Variants in KIF7 observed in about 807,000 individuals in gnomAD.
KIF7 encodes kinesin family member 7.
KIF7 carries 104 observed loss-of-function variants against 135.7 expected under a neutral mutation model. The ratio of observed to expected loss-of-function variants is 0.77; its 90% confidence interval spans 0.65 to 0.90. The LOEUF is 0.90. Among genes scored for constraint, KIF7 ranks in the 40% least tolerant of loss-of-function variants. The probability of loss-of-function intolerance (pLI) is 0.00; values close to 1 mark genes in which losing one functional copy is unlikely to be tolerated. For missense variants in KIF7, 2,005 were observed against 1,839.1 expected (o/e 1.09, Z -1.65); for synonymous variants, 883 against 809.4 (o/e 1.09, Z -1.54).
chr15:89,649,984 C>T lies in KIF7; in HGVS notation c.329-43G>A, dbSNP rs1411725361. The T allele has an allele frequency of 2.0e-5, 31 of 1,533,416 alleles. No individual in the cohort carries two copies. The East Asian group carries it at 3.9e-4, about 19-fold the overall frequency. The allele number at this position is 1,533,416 out of a possible 1,614,324, so 95.0% of individuals were successfully genotyped here. A position where few individuals can be genotyped will look rare whatever the true frequency, so the allele number is the denominator to read the frequency against. ...GGCCTCCTGCCACTTCAGCTGGACA[C>T]GGCCCATGGCCCCCAGGCCCGGAAG... is the stretch of plus-strand genomic sequence containing the variant. On this transcript the variant is annotated intron_variant, in intron 2 of 18. Transcript: ENST00000394412.
Position 89,649,936 on chromosome 15 carries a change from G to A in KIF7, c.334C>T (p.Leu112Phe), listed in dbSNP as rs1964097179. 3 of 1,550,784 alleles carry A rather than the reference G, an allele frequency of 1.9e-6. No individual in the cohort carries two copies. The highest frequency in any genetic ancestry group is 1.7e-6 in the Non-Finnish European group (2 of 1,146,952). The change falls in exon 3 of 19, where the codon CTC becomes TTC. Residue 112 changes from leucine to phenylalanine, a missense_variant. Coordinates refer to ENST00000394412, the MANE Select transcript of KIF7 (RefSeq NM_198525.3). ...ACAATGCCCTGCTCATCCTCAAGGA[G>A]GGAGGCTGGGGAGACACCGCAGGGC... ...YTMGEASVAS[L>F]LEDEQGIVPR...
chr15:89,648,650 G>A lies in KIF7; in HGVS notation c.1048C>T (p.Arg350Cys). The A allele has an allele frequency of 1.3e-6, 2 of 1,535,834 alleles. No homozygotes were observed. Among genetic ancestry groups the A allele is most frequent in the Non-Finnish European group, 1.7e-6 (2 of 1,146,296 alleles). ...LNYASRAQNI[R>C]NRATVNWRPE... ...CGCCAGTTGACCGTGGCGCGGTTGCGGATGTTCTGGGCGCGGCTGGCGTAG... is the reference window on the plus strand; with the variant it reads ...CGCCAGTTGACCGTGGCGCGGTTGCAGATGTTCTGGGCGCGGCTGGCGTAG... The change falls in exon 5 of 19, where the codon CGC (arginine) becomes TGC (cysteine). Residue 350 changes from arginine (R) to cysteine (C), a missense_variant. Coordinates refer to ENST00000394412, the MANE Select transcript of KIF7 (RefSeq NM_198525.3).
intron 16 of KIF7, 45 bp downstream of exon 16, chr15:89,630,242 C>T (rs201335315): frequency 4.9e-5 from 76 of 1,562,794 alleles, no homozygotes; most frequent in Non-Finnish European, 5.6e-5. Context: ...CCTCCCCACA[C>T]GTGCCGCTGA....
chr15:89,646,049 A>G, intron 7 of KIF7, 23 bp from the exon 8 acceptor site: 1 of 1,613,008 alleles, frequency 6.2e-7, no homozygotes, highest in South Asian at 1.1e-5. Context: ...GCCATTTCCC[A>G]TCCCAAGTCA....
chr15:89,626,507 A>G (rs557944288), downstream of KIF7, among the ~76,000 whole-genome samples: 38 of 152,214 alleles, frequency 2.5e-4, no homozygotes, highest in Admixed American at 2.2e-3. Flanking sequence ...TCCCCTTCCA[A>G]ATCCTATTCC....
the KIF7 span, among the ~76,000 whole-genome samples, chr15:89,661,892 AC>A: frequency 6.6e-6 from 1 of 151,752 alleles, no homozygotes; most frequent in African/African-American, 2.4e-5. Flanking sequence ...GTGCCACCAC[AC>A]CCGGCCAATT....
rs1198876598 is a variant in KIF7 at position 89,629,382 on chromosome 15, C to A, written c.3510G>T (p.Gln1170His). The A allele has an allele frequency of 9.4e-6, 15 of 1,596,504 alleles. No homozygotes were observed. The highest frequency in any genetic ancestry group is 1.3e-5 in the Non-Finnish European group (15 of 1,176,202). The change falls in exon 17 of 19, where the codon CAG becomes CAT. Residue 1170 changes from glutamine (Q) to histidine (H), a missense_variant. Coordinates refer to ENST00000394412, the MANE Select transcript of KIF7 (RefSeq NM_198525.3). ...ATGGGCCGGGCTGCTCACCTCGACT[C>A]TGCTGCAGGAGCAGCTGCATGTTCT... is the stretch of plus-strand genomic sequence containing the variant. ...HEQNMQLLLQ[Q>H]SRDHLGEGLA...
At chr15:89,642,177 C>T (rs766340975) in intron 11 of KIF7, 26 bp downstream of exon 11, 3 of 1,606,510 alleles carry the variant, frequency 1.9e-6, no homozygotes, top group East Asian at 2.2e-5. Flanking sequence ...CACCCCAGCA[C>T]CCCACCCTGA....
downstream of KIF7, chr15:89,625,978 C>G: frequency 6.2e-7 from 1 of 1,604,988 alleles, no homozygotes; most frequent in Non-Finnish European, 8.5e-7. Context: ...AGCTGCCTCT[C>G]TGCCAGTGCC....
chr15:89,662,544 T>C, the KIF7 span, among the ~76,000 whole-genome samples: 4 of 152,056 alleles, frequency 2.6e-5, no homozygotes, highest in Non-Finnish European at 5.9e-5. Flanking sequence ...CCTGGATAAA[T>C]GTATGTTATT....
chr15:89,641,929 C>G (rs1234164112), intron 11 of KIF7, among the ~76,000 whole-genome samples: 1 of 152,176 alleles, frequency 6.6e-6, no homozygotes, highest in Non-Finnish European at 1.5e-5. Context: ...CAGAGGACTG[C>G]ACGCTGCAGG....
chr15:89,627,713 TTCAGGGC>T (rs1963560196), downstream of KIF7: 1 of 153,062 alleles, frequency 6.5e-6, no homozygotes, highest in Non-Finnish European at 1.5e-5. Context: ...AGCCAGCCAG[TTCAGGGC>T]TCAGGCCTCA....
intron 1 of KIF7, among the ~76,000 whole-genome samples, chr15:89,653,845 G>A (rs922076109): frequency 6.6e-6 from 1 of 151,760 alleles, no homozygotes; most frequent in African/African-American, 2.4e-5. Context: ...TGGGCTCAAG[G>A]GATCCTTCCA....
intron 15 of KIF7, 142 bp from the exon 16 acceptor site, chr15:89,630,635 G>C: frequency 1.4e-6 from 1 of 727,054 alleles, no homozygotes; most frequent in Non-Finnish European, 2.4e-6. Context: ...CCCATCGAGA[G>C]AGGTGCCCCC....
In KIF7 at chr15:89,628,360, C is replaced by A; in HGVS notation, c.*59G>T. ...CTGCCCTTCACAGAAGCAAAACAGG[C>A]AGCTGCCCCTTTCAGCAGGCTCGGA... On this transcript the variant is annotated 3_prime_UTR_variant, in exon 19 of 19. Transcript: ENST00000394412. The A allele has an allele frequency of 6.5e-7, 1 of 1,545,766 alleles. No individual in the cohort carries two copies.
At position 89,645,051 on chromosome 15, in the gene KIF7, C is replaced by T. The variant is rs138021610; in HGVS notation, c.2153G>A (p.Arg718His). ...QKIRELAINI[R>H]MKEELIGELV... ...CTCGCCAATAAGCTCCTCCTTCATG[C>T]GGATGTTGATAGCCAGCTCCCGGAT... Residue 718 changes from arginine (R) to histidine (H), a missense_variant, in exon 10 of 19, where the codon CGC (arginine) becomes CAC (histidine). Arg to His is a conservative substitution (Grantham distance 29, BLOSUM62 0). Coordinates refer to ENST00000394412, the MANE Select transcript of KIF7 (RefSeq NM_198525.3). The T allele has an allele frequency of 1.6e-5, 25 of 1,607,200 alleles. No homozygotes were observed. Among genetic ancestry groups the T allele is most frequent in the Admixed American group, 3.3e-5 (2 of 60,004 alleles).
intron 11 of KIF7, among the ~76,000 whole-genome samples, chr15:89,638,163 G>A (rs79111349): frequency 0.47 from 66,410 of 141,080 alleles, 16,991 homozygotes; most frequent in Non-Finnish European, 0.57. Context: ...AAAATCATAA[G>A]AGCTATCTAT....
At chr15:89,625,960 C>G, downstream of KIF7, 2 of 1,589,340 alleles carry the variant, frequency 1.3e-6, no homozygotes, top group Non-Finnish European at 1.7e-6. Context: ...CCCAGCTGTG[C>G]CGTGCGGAGC....
At chr15:89,627,026 C>A, downstream of KIF7, 40 of 1,614,130 alleles carry the variant, frequency 2.5e-5, no homozygotes, top group Non-Finnish European at 3.3e-5. Flanking sequence ...CCAGGAGGCG[C>A]CCCATCAGCA....
Sources: gnomAD v4.1 joint callset for allele counts (sites outside exome capture counted in the v4.1 genomes callset) on GRCh38, gnomAD v4.1.1 for gene constraint, MANE v1.5 for transcripts, NCBI Gene and HGNC (gene_info 2026-07-23, HGNC 2026-07-21) for gene names.